CSRP1: variants seen among roughly 807,000 people sequenced by gnomAD.
The protein encoded by CSRP1 is cysteine and glycine-rich protein 1.
A neutral mutation model predicts 25.4 loss-of-function variants in CSRP1; 16 were observed. That is an observed-to-expected ratio of 0.63 (90% confidence interval 0.43 to 0.96). The LOEUF (loss-of-function observed/expected upper bound fraction) is 0.96, where lower values mean the gene tolerates loss of function less well. Among genes scored for constraint, CSRP1 ranks in the 40% least tolerant of loss-of-function variants. CSRP1 has a pLI of 0.00. For synonymous variants in CSRP1, 97 were observed against 95.3 expected, an observed-to-expected ratio of 1.02 and a Z score of -0.10; for missense variants, 212 against 243.6, an observed-to-expected ratio of 0.87 and a Z score of 0.86.
chr1:201,496,394 A>G (rs1664516873), intron 1 of CSRP1, 90 bp from the exon 2 acceptor site: 7 of 1,122,086 alleles, frequency 6.2e-6, no homozygotes, highest in Non-Finnish European at 9.4e-6. Flanking sequence ...AGCCAGATCC[A>G]GAGGAGAGAA....
chr1:201,489,149 G>T, intron 3 of CSRP1, 165 bp from the exon 4 acceptor site: 1 of 763,256 alleles, frequency 1.3e-6, no homozygotes, highest in Non-Finnish European at 2.0e-6. Context: ...CCATTTTACA[G>T]ATGGACAAAC....
chr1:201,497,358 C>CAAAAAA (rs71564149), intron 1 of CSRP1, among the ~76,000 whole-genome samples: 24 of 44,564 alleles, frequency 5.4e-4, no homozygotes, highest in East Asian at 3.3e-3. Flanking sequence ...GACTCTGTCT[C>CAAAAAA]AAAAAAAAAA....
intron 1 of CSRP1, among the ~76,000 whole-genome samples, chr1:201,506,081 C>T (rs623791): frequency 0.78 from 118,166 of 152,156 alleles, 46,138 homozygotes; most frequent in Middle Eastern, 0.83. Flanking sequence ...GAAACCTGCG[C>T]GTTAAGTGGC....
intron 3 of CSRP1, 49 bp downstream of exon 3, chr1:201,490,127 G>A: frequency 1.3e-6 from 2 of 1,575,680 alleles, no homozygotes; most frequent in South Asian, 1.2e-5. Flanking sequence ...CTAATACAGG[G>A]TGGGGGAGAG....
chr1:201,503,463 C>T (rs1557977704), intron 1 of CSRP1, among the ~76,000 whole-genome samples: 1 of 152,180 alleles, frequency 6.6e-6, no homozygotes, highest in Non-Finnish European at 1.5e-5. Flanking sequence ...TAAAGAAAGC[C>T]AGGCACACAG....
At chr1:201,493,777 T>C (rs1442843183) in intron 2 of CSRP1, among the ~76,000 whole-genome samples, 1 of 152,206 alleles carries the variant, frequency 6.6e-6, no homozygotes, top group Non-Finnish European at 1.5e-5. Context: ...AGCCTCTCCC[T>C]TCCTCGGGAG....
At chr1:201,498,161 G>A (rs1237737556) in intron 1 of CSRP1, among the ~76,000 whole-genome samples, 3 of 152,232 alleles carry the variant, frequency 2.0e-5, no homozygotes, top group African/African-American at 7.2e-5. Context: ...CGTGGCCACA[G>A]AGCAGCACGG....
chr1:201,489,389 A>C (rs1571775871), intron 3 of CSRP1: 1 of 169,802 alleles, frequency 5.9e-6, no homozygotes, highest in Non-Finnish European at 1.3e-5. Context: ...ATTTCCGTCC[A>C]CCCCCCAGGC....
intron 4 of CSRP1, chr1:201,486,710 A>C (rs1022313472): frequency 1.9e-6 from 2 of 1,045,170 alleles, no homozygotes; most frequent in African/African-American, 3.5e-5. Flanking sequence ...CCCTTTGCTC[A>C]TTCATAAGCA....
intron 4 of CSRP1, chr1:201,487,829 C>T (rs1383462746): frequency 1.3e-5 from 2 of 152,238 alleles, no homozygotes; most frequent in African/African-American, 4.8e-5. Context: ...TTCATCTGTA[C>T]AACAGGGATA....
At position 201,496,227 on chromosome 1, in the gene CSRP1, T is replaced by A; in HGVS notation, c.77A>T (p.Glu26Val). The change falls in exon 2 of 6, where the codon GAA (glutamate) becomes GTA (valine). Residue 26 changes from glutamate (E) to valine (V), a missense_variant. By Grantham distance (121) the Glu-to-Val change is moderately radical. Coordinates refer to ENST00000340006, the MANE Select transcript of CSRP1 (RefSeq NM_004078.3). ...GCAGGATTTATGGAAGCTGTTGCCTTCGCACTGAACCTCTTCGGCAAAGTA... is the reference window on the plus strand; with the variant it reads ...GCAGGATTTATGGAAGCTGTTGCCTACGCACTGAACCTCTTCGGCAAAGTA... ...TVYFAEEVQCEGNSFHKSCFL... is the reference protein window; with the variant it reads ...TVYFAEEVQCVGNSFHKSCFL... 1.2e-6 allele frequency: 2 copies of A among 1,614,194 alleles called. No homozygotes were observed. Among genetic ancestry groups the A allele is most frequent in the Non-Finnish European group, 1.7e-6 (2 of 1,180,040 alleles).
intron 1 of CSRP1, among the ~76,000 whole-genome samples, chr1:201,498,017 A>G (rs555140255): frequency 6.6e-6 from 1 of 152,218 alleles, no homozygotes; most frequent in South Asian, 2.1e-4. Context: ...CTCAAAAAAA[A>G]AAAAGGATAA....
chr1:201,487,904 A>T (rs1664197584), intron 4 of CSRP1: 1 of 152,210 alleles, frequency 6.6e-6, no homozygotes, highest in African/African-American at 2.4e-5. Context: ...CCTAAGTGTT[A>T]ATTGTTTAAC....
At chr1:201,495,393 G>T (rs972240558) in intron 2 of CSRP1, among the ~76,000 whole-genome samples, 2 of 152,150 alleles carry the variant, frequency 1.3e-5, no homozygotes, top group South Asian at 2.1e-4. Flanking sequence ...GAAAGAAAAT[G>T]CACCTTGCTG....
At position 201,484,116 on chromosome 1, in the gene CSRP1, G is replaced by C. The variant is rs1664056890; in HGVS notation, c.*597C>G. 12 of 666,672 alleles carry C rather than the reference G, an allele frequency of 1.8e-5. No individual in the cohort carries two copies. In the East Asian group the frequency reaches 3.3e-4, roughly 18 times the overall value. 41.3% of individuals were successfully genotyped at this position (666,672 alleles called of 1,614,324 possible). A position where few individuals can be genotyped will look rare whatever the true frequency, so the allele number is the denominator to read the frequency against. On this transcript the variant is annotated 3_prime_UTR_variant, in exon 6 of 6. Transcript: ENST00000340006. ...AGTGGGAGGCTATCCATTCCACAAA[G>C]ACTCAAAGGCAAGAGGCCTGGAGAA...
At chr1:201,486,785 C>T (rs1557970790) in intron 4 of CSRP1, 2 of 1,075,968 alleles carry the variant, frequency 1.9e-6, no homozygotes, top group Non-Finnish European at 2.3e-6. Context: ...CTTCTCCCTA[C>T]CTTTTCCACT....
intron 4 of CSRP1, chr1:201,486,150 T>C (rs72737698): frequency 0.014 from 2,381 of 165,064 alleles, 26 homozygotes; most frequent in Non-Finnish European, 0.021. Context: ...AAATACCTTC[T>C]CTGTGGCCAG....
chr1:201,490,301 A>G lies in CSRP1; in HGVS notation c.156T>C (p.His52=), dbSNP rs759413757. Residue 52 remains histidine (H), a synonymous_variant, in exon 3 of 6, where the codon CAT becomes CAC. Coordinates refer to ENST00000340006, the MANE Select transcript of CSRP1 (RefSeq NM_004078.3). ...KNLDSTTVAV[H]GEEIYCKSCY... ...AGGACTTGCAGTAAATCTCCTCACCATGCACGGCCACAGTGGTACTGTCCA... is the reference window on the plus strand; with the variant it reads ...AGGACTTGCAGTAAATCTCCTCACCGTGCACGGCCACAGTGGTACTGTCCA... 11 of 1,613,972 alleles carry G rather than the reference A, an allele frequency of 6.8e-6. No homozygotes were observed.
intron 2 of CSRP1, among the ~76,000 whole-genome samples, chr1:201,495,034 C>T (rs1571781821): frequency 6.6e-6 from 1 of 152,192 alleles, no homozygotes; most frequent in South Asian, 2.1e-4. Flanking sequence ...CATCATCACA[C>T]AGATAATAAA....
Sources: gnomAD v4.1 joint callset for allele counts (sites outside exome capture counted in the v4.1 genomes callset) on GRCh38, gnomAD v4.1.1 for gene constraint, MANE v1.5 for transcripts, NCBI Gene and HGNC (gene_info 2026-07-23, HGNC 2026-07-21) for gene names.